The following CCDC30 variants were observed in gnomAD, a reference collection of about 807,000 sequenced individuals.
CCDC30 encodes the protein coiled-coil domain-containing protein 30.
A neutral mutation model predicts 100.2 loss-of-function variants in CCDC30; 70 were observed. The ratio of observed to expected loss-of-function variants is 0.70; its 90% confidence interval spans 0.58 to 0.85. The LOEUF (loss-of-function observed/expected upper bound fraction) is 0.85. Ranked by LOEUF, CCDC30 falls within the 40% of genes least tolerant of loss-of-function variation. The pLI is 0.00. For synonymous variants in CCDC30, 233 were observed against 269.5 expected (o/e 0.86, Z 1.33); for missense variants, 652 against 771.2 (o/e 0.85, Z 1.83).
chr1:42,496,652 CT>C (rs1450569699), intron 4 of CCDC30, among the ~76,000 whole-genome samples: 2 of 152,050 alleles, frequency 1.3e-5, no homozygotes, highest in Non-Finnish European at 2.9e-5. Context: ...CAATTCAAGA[CT>C]TACAATAAAG....
chr1:42,637,271 A>G, exon 12 of CCDC30: 1 of 1,583,778 alleles, frequency 6.3e-7, no homozygotes, highest in Non-Finnish European at 8.5e-7. Flanking sequence ...ACAAAAAGTC[A>G]AGCTTCAAAA....
chr1:42,571,715 C>A (rs957519985), intron 7 of CCDC30, among the ~76,000 whole-genome samples: 1 of 152,204 alleles, frequency 6.6e-6, no homozygotes, highest in African/African-American at 2.4e-5. Flanking sequence ...TACATACACT[C>A]ATTTCATTGT....
At chr1:42,459,544 A>C, upstream of CCDC30, 1 of 1,377,896 alleles carries the variant, frequency 7.3e-7, no homozygotes, top group Non-Finnish European at 1.0e-6. Flanking sequence ...TTCCCATGAG[A>C]TTGACCTGGT....
At chr1:42,613,173 G>A (rs1646657493) in intron 11 of CCDC30, among the ~76,000 whole-genome samples, 1 of 152,190 alleles carries the variant, frequency 6.6e-6, no homozygotes, top group South Asian at 2.1e-4. Context: ...AGGCTGCCCC[G>A]AGGGCTGCTG....
chr1:42,586,951 T>A (rs1646082919), intron 9 of CCDC30, among the ~76,000 whole-genome samples: 1 of 152,182 alleles, frequency 6.6e-6, no homozygotes, highest in Non-Finnish European at 1.5e-5. Context: ...ATCAATTAAC[T>A]TCTCGCATAT....
intron 15 of CCDC30, among the ~76,000 whole-genome samples, chr1:42,646,843 C>T (rs564574204): frequency 6.6e-6 from 1 of 152,234 alleles, no homozygotes; most frequent in African/African-American, 2.4e-5. Flanking sequence ...TGGTTCATGC[C>T]TGTAATCCAC....
rs561440025 is a variant in CCDC30 at position 42,553,490 on chromosome 1, T to A, written c.457-12806T>A. Reference sequence around the variant, plus strand: ...GAAGAAAAAGTCCATTTTCTCCATTTAAAAAAAAAATATGAAACTACTGGA... The same window carrying A: ...GAAGAAAAAGTCCATTTTCTCCATTAAAAAAAAAAATATGAAACTACTGGA... On this transcript the variant is annotated intron_variant, in intron 6 of 16. Transcript: ENST00000668663. Among the ~76,000 whole-genome samples, 11 of 150,034 alleles carry A rather than the reference T, an allele frequency of 7.3e-5. No individual in the cohort carries two copies. In the South Asian group the frequency reaches 8.4e-4, roughly 11 times the overall value.
At chr1:42,572,694 G>A (rs1645756842) in intron 7 of CCDC30, among the ~76,000 whole-genome samples, 1 of 152,166 alleles carries the variant, frequency 6.6e-6, no homozygotes, top group African/African-American at 2.4e-5. Flanking sequence ...TTGGCCCACT[G>A]CAACATCTGC....
At chr1:42,570,099 C>T (rs1055481949) in intron 7 of CCDC30, among the ~76,000 whole-genome samples, 3 of 152,114 alleles carry the variant, frequency 2.0e-5, no homozygotes, top group African/African-American at 7.2e-5. Context: ...GTGTTCTGCA[C>T]ATGTATCCCA....
At chr1:42,496,650 G>A (rs1644237274) in intron 4 of CCDC30, among the ~76,000 whole-genome samples, 1 of 152,036 alleles carries the variant, frequency 6.6e-6, no homozygotes, top group African/African-American at 2.4e-5. Flanking sequence ...TACAATTCAA[G>A]ACTTACAATA....
rs1312371446 is a variant in CCDC30 at position 42,479,567 on chromosome 1, A to T, written c.-91-894A>T. Reference sequence around the variant, plus strand: ...AACAATTAGATATAGACATATGCTTAAAAAAAAAAAAAAAAGCCTCCCAAA... The same window carrying T: ...AACAATTAGATATAGACATATGCTTTAAAAAAAAAAAAAAAGCCTCCCAAA... On this transcript the variant is annotated intron_variant, in intron 1 of 16. Coordinates refer to ENST00000668663, the Ensembl canonical transcript of CCDC30. Among the ~76,000 whole-genome samples, 3 of 137,240 alleles carry T rather than the reference A, an allele frequency of 2.2e-5. No individual in the cohort carries two copies. The South Asian group carries it at 6.8e-4, about 31-fold the overall frequency. 90.0% of individuals were successfully genotyped at this position (137,240 alleles called of 152,430 possible). A position where few individuals can be genotyped will look rare whatever the true frequency, so the allele number is the denominator to read the frequency against.
At chr1:42,546,432 A>ATGTATATATATGTATATATATGTGTG (rs1553192927) in intron 6 of CCDC30, among the ~76,000 whole-genome samples, 3 of 112,346 alleles carry the variant, frequency 2.7e-5, no homozygotes, top group Non-Finnish European at 5.7e-5. Context: ...ATATATATAT[A>ATGTATATATATGTATATATATGTGTG]TATATATATA....
Position 42,508,707 on chromosome 1 carries a change from C to T in CCDC30, c.456+9791C>T, listed in dbSNP as rs914459202. ...TTTTCCCAAAACAGGGTCTGTGGCA[C>T]CTCCTCTGTTTTTCCCAAGAAGTCC... is the stretch of plus-strand genomic sequence containing the variant. On this transcript the variant is annotated intron_variant, in intron 6 of 16. Coordinates refer to ENST00000668663, the Ensembl canonical transcript of CCDC30. Among the ~76,000 whole-genome samples the T allele has an allele frequency of 3.3e-5, 5 of 152,112 alleles. No individual in the cohort carries two copies. The South Asian group carries it at 1.0e-3, about 32-fold the overall frequency.
chr1:42,611,824 G>A (rs753609584), intron 11 of CCDC30, among the ~76,000 whole-genome samples: 3 of 152,080 alleles, frequency 2.0e-5, no homozygotes, highest in Non-Finnish European at 4.4e-5. Flanking sequence ...CTGCAGTCAT[G>A]TACAGGCTCA....
intron 6 of CCDC30, among the ~76,000 whole-genome samples, chr1:42,512,435 C>A (rs1644492286): frequency 6.6e-6 from 1 of 152,168 alleles, no homozygotes; most frequent in South Asian, 2.1e-4. Flanking sequence ...CAGGGAGTGA[C>A]CTCACTGTGG....
chr1:42,481,257 T>A (rs997804504), intron 2 of CCDC30, among the ~76,000 whole-genome samples: 3 of 151,964 alleles, frequency 2.0e-5, no homozygotes, highest in African/African-American at 7.3e-5. Flanking sequence ...ATTTAAACAA[T>A]CTATGTTATG....
At chr1:42,512,684 C>T (rs1025496476) in intron 6 of CCDC30, among the ~76,000 whole-genome samples, 5 of 152,296 alleles carry the variant, frequency 3.3e-5, no homozygotes, top group Admixed American at 6.5e-5. Flanking sequence ...GTCAAGCAGT[C>T]AGAGGCTGGG....
Position 42,597,804 on chromosome 1 carries a change from G to A in CCDC30, c.1164+8321G>A, listed in dbSNP as rs139550704. On this transcript the variant is annotated intron_variant, in intron 10 of 16. Coordinates refer to ENST00000668663, the Ensembl canonical transcript of CCDC30. ...CACTTGAGCCCAGGAGGTCTAGGCG[G>A]CAGTGAGTTGTGATCATGCCACTGC... Among the ~76,000 whole-genome samples the A allele has an allele frequency of 1.3e-3, 194 of 151,736 alleles. 1 individual carries two copies. Among genetic ancestry groups the A allele is most frequent in the African/African-American group, 4.5e-3 (188 of 41,328 alleles).
intron 11 of CCDC30, among the ~76,000 whole-genome samples, chr1:42,620,495 G>A (rs1646809698): frequency 6.6e-6 from 1 of 151,460 alleles, no homozygotes; most frequent in African/African-American, 2.4e-5. Context: ...AGAGTGTGGG[G>A]AAATACCTAC....
Sources: gnomAD v4.1 joint callset for allele counts (sites outside exome capture counted in the v4.1 genomes callset) on GRCh38, gnomAD v4.1.1 for gene constraint, MANE v1.5 for transcripts, NCBI Gene and HGNC (gene_info 2026-07-23, HGNC 2026-07-21) for gene names.